Variants in GPR176 observed in about 807,000 individuals in gnomAD.
GPR176 encodes the protein G-protein coupled receptor 176.
A neutral mutation model predicts 35.4 loss-of-function variants in GPR176; 26 were observed. The observed-to-expected ratio is 0.74, with a 90% CI of 0.54 to 1.02. GPR176 has a LOEUF of 1.02. GPR176 is among the 50% of genes least tolerant of loss of function. The probability of loss-of-function intolerance (pLI) is 0.00; values close to 1 mark genes in which losing one functional copy is unlikely to be tolerated. For synonymous variants in GPR176, 278 were observed against 271.3 expected (o/e 1.02, Z -0.24); for missense variants, 597 against 665.3 (o/e 0.90, Z 1.13).
chr15:39,815,427 T>G (rs1453462481), intron 1 of GPR176: 7 of 152,274 alleles, frequency 4.6e-5, no homozygotes. Flanking sequence ...TTTGGGCAAC[T>G]GTGGCAAACT....
intron 1 of GPR176, among the ~76,000 whole-genome samples, chr15:39,902,020 G>T (rs538404759): frequency 3.9e-4 from 60 of 152,138 alleles, no homozygotes; most frequent in East Asian, 1.7e-3. Context: ...GGAGGCAGAG[G>T]TTGCAGTGAG....
chr15:39,902,391 C>T (rs1403172881), intron 1 of GPR176, among the ~76,000 whole-genome samples: 1 of 152,118 alleles, frequency 6.6e-6, no homozygotes, highest in African/African-American at 2.4e-5. Context: ...GGAAAAGTTC[C>T]ATCCAATCTT....
Position 39,801,613 on chromosome 15 carries a change from T to C in GPR176, c.1067A>G (p.Glu356Gly). Residue 356 changes from glutamate (E) to glycine (G), a missense_variant, in exon 3 of 3, where the codon GAG (glutamate) becomes GGG (glycine). Glu to Gly is a moderately conservative substitution (Grantham distance 98). Around this residue, in one of 3 missense-constraint regions of GPR176, gnomAD observed 251 missense variants for 255.4 expected, o/e 0.98. Transcript: ENST00000561100. ...GCGTATGCTGGGTTCCAGGCTGGCC[T>C]CAGCCATGCCACTCCCTGTACTGAC... ...NVVSTGSGMA[E>G]ASLEPSIRSG... 1 of 1,614,064 alleles carries C rather than the reference T, an allele frequency of 6.2e-7. No homozygotes were observed. Among genetic ancestry groups the C allele is most frequent in the Non-Finnish European group, 8.5e-7 (1 of 1,179,938 alleles).
chr15:39,823,718 A>ACCCAAAAGTCTAGCCTGCCC (rs1900431293), intron 1 of GPR176, among the ~76,000 whole-genome samples: 1 of 152,124 alleles, frequency 6.6e-6, no homozygotes, highest in African/African-American at 2.4e-5. Context: ...TAAAGGGAAA[A>ACCCAAAAGTCTAGCCTGCCC]ACCAAAAGTC....
intron 1 of GPR176, among the ~76,000 whole-genome samples, chr15:39,878,910 G>C (rs1053448797): frequency 6.6e-6 from 1 of 152,252 alleles, no homozygotes; most frequent in Non-Finnish European, 1.5e-5. Context: ...AAACCCCTAT[G>C]TATTTAGGCA....
At position 39,877,319 on chromosome 15, in the gene GPR176, A is replaced by C. The variant is rs73399163; in HGVS notation, c.172+42536T>G. 5.1e-3 allele frequency among the ~76,000 whole-genome samples: 770 copies of C among 152,254 alleles called. 7 individuals are homozygous for C. The highest frequency in any genetic ancestry group is 0.018 in the African/African-American group (742 of 41,534). On this transcript the variant is annotated intron_variant, in intron 1 of 2. Coordinates refer to ENST00000561100, the MANE Select transcript of GPR176 (RefSeq NM_007223.3). ...CTCTCCCCCAACCCCAGCCACACTG[A>C]TACGTTTAAGTGAACATCCCTGAAC...
intron 1 of GPR176, among the ~76,000 whole-genome samples, chr15:39,812,598 G>A (rs1418310912): frequency 2.0e-5 from 3 of 152,126 alleles, no homozygotes; most frequent in African/African-American, 7.2e-5. Flanking sequence ...CTTGCAGACG[G>A]CCTACTGTGG....
At position 39,801,468 on chromosome 15, in the gene GPR176, C is replaced by A; in HGVS notation, c.1212G>T (p.Glu404Asp). Residue 404 changes from glutamate to aspartate, a missense_variant, in exon 3 of 3, where the codon GAG becomes GAT. Coordinates refer to ENST00000561100, the MANE Select transcript of GPR176 (RefSeq NM_007223.3). ...CTCCCTCCAGGCAGGTGCTAAATAT[C>A]TCCTTGGCCTGGAAGTCAGCTGAGC... ...YIGSADFQAK[E>D]IFSTCLEGEQ... The A allele has an allele frequency of 6.2e-7, 1 of 1,614,172 alleles. No individual in the cohort carries two copies. The highest frequency in any genetic ancestry group is 8.5e-7 in the Non-Finnish European group (1 of 1,179,998).
At chr15:39,889,581 A>AATAAAATAAAATAAG (rs1191798577) in intron 1 of GPR176, among the ~76,000 whole-genome samples, 40 of 150,564 alleles carry the variant, frequency 2.7e-4, no homozygotes, top group Middle Eastern at 3.4e-3. Context: ...AATAAAATAA[A>AATAAAATAAAATAAG]ATAAAATAAA....
At chr15:39,904,233 A>G (rs560047794) in intron 1 of GPR176, among the ~76,000 whole-genome samples, 2 of 152,258 alleles carry the variant, frequency 1.3e-5, no homozygotes, top group Admixed American at 6.5e-5. Context: ...ATCTCATCCT[A>G]TAAGTTAGAA....
chr15:39,839,046 A>G (rs907686996), intron 1 of GPR176, among the ~76,000 whole-genome samples: 1 of 152,224 alleles, frequency 6.6e-6, no homozygotes, highest in African/African-American at 2.4e-5. Context: ...ATATTGTGAA[A>G]ACGGCCATAC....
intron 1 of GPR176, among the ~76,000 whole-genome samples, chr15:39,832,042 A>G (rs1901121034): frequency 6.6e-6 from 1 of 151,638 alleles, no homozygotes; most frequent in African/African-American, 2.4e-5. Flanking sequence ...TTCCAGTGCA[A>G]TGAAGGGGGC....
At chr15:39,839,402 T>C (rs1353952926) in intron 1 of GPR176, among the ~76,000 whole-genome samples, 1 of 152,192 alleles carries the variant, frequency 6.6e-6, no homozygotes, top group African/African-American at 2.4e-5. Context: ...TAATAAATGG[T>C]GCTGTGAAAA....
chr15:39,801,786 G>T lies in GPR176; in HGVS notation c.894C>A (p.Ser298=). Residue 298 remains serine (S), a synonymous_variant, in exon 3 of 3, where the codon TCC becomes TCA. Coordinates refer to ENST00000561100, the MANE Select transcript of GPR176 (RefSeq NM_007223.3). ...YQTVLNVPDT[S]VFLLLTAVWL... is the part of the protein sequence containing the mutation. ...AAACAGCAGTGAGCAGCAAGAAGAC[G>T]GAAGTGTCAGGGACATTGAGCACAG... 1 of 1,613,830 alleles carries T rather than the reference G, an allele frequency of 6.2e-7. No homozygotes were observed. Among genetic ancestry groups the T allele is most frequent in the Non-Finnish European group, 8.5e-7 (1 of 1,179,728 alleles).
chr15:39,845,366 A>C (rs1477489060), intron 1 of GPR176, among the ~76,000 whole-genome samples: 1 of 151,996 alleles, frequency 6.6e-6, no homozygotes, highest in Admixed American at 6.6e-5. Flanking sequence ...TATCTACTAG[A>C]TAAGGTCTAG....
At chr15:39,846,054 A>C (rs2030400878) in intron 1 of GPR176, among the ~76,000 whole-genome samples, 1 of 152,192 alleles carries the variant, frequency 6.6e-6, no homozygotes, top group Admixed American at 6.5e-5. Flanking sequence ...TTCAAACAGG[A>C]GAGCAACATT....
rs372914246 is a variant in GPR176, at chr15:39,902,382, G to A, written c.172+17473C>T. ...GAAAAATGATTTGACACTCTTCAGG[G>A]AAAAGTTCCATCCAATCTTAAGAAT... On this transcript the variant is annotated intron_variant, in intron 1 of 2. Transcript: ENST00000561100. Among the ~76,000 whole-genome samples the A allele has an allele frequency of 1.7e-4, 26 of 152,300 alleles. No individual in the cohort carries two copies. In the East Asian group the frequency reaches 2.5e-3, roughly 15 times the overall value.
chr15:39,814,275 C>T (rs1899755377), intron 1 of GPR176, among the ~76,000 whole-genome samples: 1 of 152,058 alleles, frequency 6.6e-6, no homozygotes, highest in African/African-American at 2.4e-5. Context: ...ATCTCTTAAC[C>T]ACTCATTCTT....
chr15:39,827,974 T>A (rs1475932619), intron 1 of GPR176, among the ~76,000 whole-genome samples: 1 of 152,184 alleles, frequency 6.6e-6, no homozygotes, highest in Non-Finnish European at 1.5e-5. Flanking sequence ...GAAGGCTACA[T>A]CCTAGGCTGT....
Sources: gnomAD v4.1 joint callset for allele counts (sites outside exome capture counted in the v4.1 genomes callset) on GRCh38, gnomAD v4.1.1 for gene constraint, gnomAD v4.1.1 regional missense constraint, MANE v1.5 for transcripts, NCBI Gene and HGNC (gene_info 2026-07-23, HGNC 2026-07-21) for gene names.